FAM149A: variants seen among roughly 807,000 people sequenced by gnomAD.
FAM149A encodes protein FAM149A.
In FAM149A, 71 loss-of-function variants were observed where a neutral mutation model predicts 78.2. The observed-to-expected ratio is 0.91, with a 90% confidence interval of 0.75 to 1.11. The LOEUF is 1.11. FAM149A is among the 50% of genes least tolerant of loss of function. The probability of loss-of-function intolerance (pLI) is 0.00; values close to 1 mark genes in which losing one functional copy is unlikely to be tolerated. For synonymous variants in FAM149A, 446 were observed against 410.5 expected (o/e 1.09, Z -1.04); for missense variants, 1,036 against 971.0 (o/e 1.07, Z -0.89).
intron 13 of FAM149A, among the ~76,000 whole-genome samples, chr4:186,168,942 T>TGA (rs1029736636): frequency 6.6e-6 from 1 of 151,834 alleles, no homozygotes. Flanking sequence ...ACAAGGGATG[T>TGA]GAGAGAGAGG....
chr4:186,169,981 T>G, intron 13 of FAM149A: 1 of 969,168 alleles, frequency 1.0e-6, no homozygotes, highest in African/African-American at 1.8e-5. Flanking sequence ...TTCCCCTCCT[T>G]AACCATTTTT....
At position 186,104,773 on chromosome 4, in the gene FAM149A, G is replaced by GGCGGCGGGCGGC. The variant is rs548894495; in HGVS notation, c.-303_-302insCGGCGGGCGGCG. The stretch of plus-strand genomic sequence containing the variant: ...GGCGGGCGGCGGGCGGCGGGCGTCT[G>GGCGGCGGGCGGC]GGGCGGGCGGCGGCCGCGCTTCCCG... On this transcript the variant is annotated 5_prime_UTR_variant, in exon 1 of 14. Transcript: ENST00000389354. 1.0e-4 allele frequency among the ~76,000 whole-genome samples: 15 copies of GGCGGCGGGCGGC among 149,704 alleles called. No homozygotes were observed. The highest frequency in any genetic ancestry group is 3.5e-3 in the Middle Eastern group (1 of 288).
At position 186,104,735 on chromosome 4, in the gene FAM149A, A is replaced by G. The variant is rs1318183799; in HGVS notation, c.-342A>G. On this transcript the variant is annotated 5_prime_UTR_variant, in exon 1 of 14. Transcript: ENST00000389354. Reference sequence around the variant, plus strand: ...GAGCGCGGCCGGGTGTGTTGAACGTAGCAACCGCGGGCGGCGGGCGGCGGG... The same window carrying G: ...GAGCGCGGCCGGGTGTGTTGAACGTGGCAACCGCGGGCGGCGGGCGGCGGG... Among the ~76,000 whole-genome samples the G allele has an allele frequency of 4.3e-5, 5 of 115,066 alleles. No homozygotes were observed. The highest frequency in any genetic ancestry group is 8.6e-5 in the Admixed American group (1 of 11,678). 75.5% of individuals were successfully genotyped at this position (115,066 alleles called of 152,430 possible).
At chr4:186,156,838 G>C (rs979798032) in intron 7 of FAM149A, among the ~76,000 whole-genome samples, 1 of 152,224 alleles carries the variant, frequency 6.6e-6, no homozygotes, top group Non-Finnish European at 1.5e-5. Context: ...AGCCAGGCAT[G>C]GTGGCACATG....
chr4:186,121,426 A>G (rs895580153), intron 1 of FAM149A, among the ~76,000 whole-genome samples: 1 of 152,244 alleles, frequency 6.6e-6, no homozygotes, highest in African/African-American at 2.4e-5. Context: ...GATTTCTAAC[A>G]TAAATGATAC....
At chr4:186,145,563 A>T (rs1732972901) in intron 1 of FAM149A, among the ~76,000 whole-genome samples, 1 of 152,194 alleles carries the variant, frequency 6.6e-6, no homozygotes, top group Non-Finnish European at 1.5e-5. Flanking sequence ...TCAAGAAGCA[A>T]CCTAAAACAG....
Position 186,149,559 on chromosome 4 carries a change from C to T in FAM149A, c.678-34C>T, listed in dbSNP as rs761839808. 2.2e-5 allele frequency: 29 copies of T among 1,289,730 alleles called. No homozygotes were observed. Among genetic ancestry groups the T allele is most frequent in the African/African-American group, 3.0e-5 (2 of 65,866 alleles). 79.9% of individuals were successfully genotyped at this position (1,289,730 alleles called of 1,614,324 possible). A position where few individuals can be genotyped will look rare whatever the true frequency, so the allele number is the denominator to read the frequency against. On this transcript the variant is annotated intron_variant, in intron 2 of 13. Coordinates refer to ENST00000389354, the MANE Select transcript of FAM149A (RefSeq NM_001367768.3). ...TGTGATTTCTTTGCTCATGTTCATT[C>T]CTGCAGCAAATCCTTGTCATCCTTT...
At chr4:186,131,409 A>C (rs1177364064) in intron 1 of FAM149A, among the ~76,000 whole-genome samples, 1 of 146,134 alleles carries the variant, frequency 6.8e-6, no homozygotes. Flanking sequence ...ACAAAGAAGA[A>C]GGCATTTGAG....
In FAM149A at chr4:186,135,679, A is replaced by C. The variant is rs193053065; in HGVS notation, c.567-13494A>C. Among the ~76,000 whole-genome samples the C allele has an allele frequency of 3.3e-3, 507 of 152,270 alleles. 2 individuals carry two copies. Among genetic ancestry groups the C allele is most frequent in the Admixed American group, 4.8e-3 (73 of 15,308 alleles). On this transcript the variant is annotated intron_variant, in intron 1 of 13. Transcript: ENST00000389354. ...TGATCAACATACGTATTTCCTTCTC[A>C]AGGCACACCACAGCCTTCTGGCGCT...
rs1213934218 is a variant in FAM149A at position 186,149,811 on chromosome 4, G to A, written c.789+107G>A. 4.2e-6 allele frequency: 3 copies of A among 707,858 alleles called. No homozygotes were observed. In the African/African-American group the frequency reaches 5.7e-5, roughly 13 times the overall value. The allele number at this position is 707,858 out of a possible 1,614,324, so 43.8% of individuals were successfully genotyped here. A position where few individuals can be genotyped will look rare whatever the true frequency, so the allele number is the denominator to read the frequency against. On this transcript the variant is annotated intron_variant, in intron 3 of 13. Coordinates refer to ENST00000389354, the MANE Select transcript of FAM149A (RefSeq NM_001367768.3). ...ACCAATTATAAAAGCATGACCTATT[G>A]CATACATACATGTACATACATGTAA...
chr4:186,137,356 CTAAGTGCTG>C (rs941522448), intron 1 of FAM149A, among the ~76,000 whole-genome samples: 7 of 151,746 alleles, frequency 4.6e-5, no homozygotes, highest in African/African-American at 1.7e-4. Flanking sequence ...GTCTCTGGCT[CTAAGTGCTG>C]GTCAGAGCGA....
chr4:186,133,452 T>C (rs555681951), intron 1 of FAM149A, among the ~76,000 whole-genome samples: 1 of 152,296 alleles, frequency 6.6e-6, no homozygotes, highest in African/African-American at 2.4e-5. Flanking sequence ...AGTGGAATCA[T>C]ACAATATTTG....
intron 1 of FAM149A, among the ~76,000 whole-genome samples, chr4:186,120,597 G>A (rs2099315571): frequency 6.6e-6 from 1 of 151,536 alleles, no homozygotes; most frequent in South Asian, 2.1e-4. Flanking sequence ...TTTGAGACCA[G>A]CCTGGCCAAT....
At chr4:186,126,800 G>T (rs2099318519) in intron 1 of FAM149A, 2 of 807,446 alleles carry the variant, frequency 2.5e-6, no homozygotes, top group African/African-American at 1.9e-5. Flanking sequence ...GCGTGAGCCT[G>T]TTCCCCTAAT....
At chr4:186,150,506 G>GC (rs1184816192) in intron 3 of FAM149A, among the ~76,000 whole-genome samples, 1 of 120,966 alleles carries the variant, frequency 8.3e-6, no homozygotes, top group African/African-American at 3.1e-5. Context: ...TGCAAGCTCC[G>GC]CCTCCCGGGT....
chr4:186,131,936 C>T (rs2099320898), intron 1 of FAM149A: 1 of 985,442 alleles, frequency 1.0e-6, no homozygotes, highest in Non-Finnish European at 1.2e-6. Context: ...GGCCAGCTAG[C>T]CCTTTAACTG....
At chr4:186,170,955 A>T (rs939214308) in intron 13 of FAM149A, 4 of 152,320 alleles carry the variant, frequency 2.6e-5, no homozygotes, top group Non-Finnish European at 5.9e-5. Context: ...CTAAGTCTTC[A>T]TGGAGCTCAT....
rs533019610 is a variant in FAM149A, at chr4:186,133,047, A to G, written c.567-16126A>G. 9.1e-6 allele frequency: 9 copies of G among 985,400 alleles called. No homozygotes were observed. The South Asian group carries it at 3.8e-4, about 41-fold the overall frequency. 61.0% of individuals were successfully genotyped at this position (985,400 alleles called of 1,614,324 possible). On this transcript the variant is annotated intron_variant, in intron 1 of 13. Transcript: ENST00000389354. ...GCACTCAGCACTGCTTAGGAATGTG[A>G]GTAAAGGCTTCTGACTCAACACTGC...
At position 186,111,866 on chromosome 4, in the gene FAM149A, C is replaced by T. The variant is rs990092404; in HGVS notation, c.566+6224C>T. On this transcript the variant is annotated intron_variant, in intron 1 of 13. Coordinates refer to ENST00000389354, the MANE Select transcript of FAM149A (RefSeq NM_001367768.3). ...CTTTGTTCTTTTGGCTTAGGATTGC[C>T]TTGGCGATGTGGGCTCTTTTTTGCT... Among the ~76,000 whole-genome samples, 7 of 151,630 alleles carry T rather than the reference C, an allele frequency of 4.6e-5. No individual in the cohort carries two copies. In the South Asian group the frequency reaches 1.3e-3, roughly 27 times the overall value.
Sources: allele counts gnomAD v4.1 joint callset (sites outside exome capture counted in the v4.1 genomes callset), GRCh38; gene constraint gnomAD v4.1.1; transcripts MANE v1.5; gene names NCBI Gene and HGNC (gene_info 2026-07-23, HGNC 2026-07-21).